Variants in SDK2 observed in about 807,000 individuals in gnomAD.
The protein encoded by SDK2 is sidekick cell adhesion molecule 2.
SDK2 carries 105 observed loss-of-function variants against 253.9 expected under a neutral mutation model. The ratio of observed to expected loss-of-function variants is 0.41; its 90% CI spans 0.35 to 0.49. The LOEUF is 0.49. SDK2 is among the 20% of genes least tolerant of loss of function. SDK2 has a pLI of 0.06. For synonymous variants in SDK2, 1,249 were observed against 1,234.9 expected, an observed-to-expected ratio of 1.01 and a Z score of -0.24; for missense variants, 2,608 against 3,003.0, an observed-to-expected ratio of 0.87 and a Z score of 3.07.
chr17:73,374,038 T>C (rs2062757728), intron 36 of SDK2, among the ~76,000 whole-genome samples: 2 of 145,370 alleles, frequency 1.4e-5, no homozygotes, highest in Admixed American at 1.4e-4. Context: ...TAACCCCTGG[T>C]CATATGTATG....
chr17:73,364,980 C>T (rs184461393), intron 38 of SDK2, among the ~76,000 whole-genome samples: 135 of 152,324 alleles, frequency 8.9e-4, no homozygotes, highest in African/African-American at 3.1e-3. Flanking sequence ...CCTTCCTTTC[C>T]TCCCTGTTTC....
chr17:73,487,044 G>A (rs546116936), intron 2 of SDK2, among the ~76,000 whole-genome samples: 13 of 152,064 alleles, frequency 8.5e-5, no homozygotes, highest in African/African-American at 3.1e-4. Context: ...AGTGATTCTC[G>A]TGCCTCAGCC....
In SDK2 at chr17:73,386,524, C is replaced by G; in HGVS notation, c.4419G>C (p.Lys1473Asn). ...TGTCATTGGTCGCCTTCACTCGGAA[C>G]TTGTAGGACGTGAAGGGCTTCAGCC... is the stretch of plus-strand genomic sequence containing the variant. ...VDRLKPFTSY[K>N]FRVKATNDIG... The change falls in exon 31 of 45, where the codon AAG becomes AAC. Residue 1473 changes from lysine (K) to asparagine (N), a missense_variant. By Grantham distance (94) the Lys-to-Asn change is moderately conservative (BLOSUM62 0). Around this residue, in one of 2 missense-constraint regions of SDK2, gnomAD observed 1,103 missense variants for 1,143.9 expected, o/e 0.96. Transcript: ENST00000392650. 2.6e-6 allele frequency: 4 copies of G among 1,558,862 alleles called. No individual in the cohort carries two copies. The highest frequency in any genetic ancestry group is 3.5e-6 in the Non-Finnish European group (4 of 1,151,084).
intron 1 of SDK2, among the ~76,000 whole-genome samples, chr17:73,619,038 G>A (rs1259198570): frequency 2.6e-5 from 4 of 152,000 alleles, no homozygotes; most frequent in South Asian, 2.1e-4. Flanking sequence ...GTGGTGGTGC[G>A]TGCCTGTAAT....
chr17:73,528,466 C>T (rs554535082), intron 1 of SDK2, among the ~76,000 whole-genome samples: 11 of 152,302 alleles, frequency 7.2e-5, no homozygotes, highest in African/African-American at 1.2e-4. Context: ...GGGGAAGCAG[C>T]GATGCAGTGA....
chr17:73,474,859 A>G (rs1052667363), intron 2 of SDK2, among the ~76,000 whole-genome samples: 1 of 152,214 alleles, frequency 6.6e-6, no homozygotes, highest in Non-Finnish European at 1.5e-5. Flanking sequence ...AGCACCAGAG[A>G]GAGGAAAAGA....
chr17:73,587,130 C>T (rs1332698194), intron 1 of SDK2, among the ~76,000 whole-genome samples: 2 of 152,192 alleles, frequency 1.3e-5, no homozygotes, highest in Non-Finnish European at 2.9e-5. Context: ...AGCTACAAAT[C>T]GGCAGTCTGG....
chr17:73,545,778 C>T (rs1281694427), intron 1 of SDK2, among the ~76,000 whole-genome samples: 3 of 152,226 alleles, frequency 2.0e-5, no homozygotes, highest in Admixed American at 6.5e-5. Context: ...TGGGATGCCC[C>T]GCCTGTCTGT....
intron 1 of SDK2, among the ~76,000 whole-genome samples, chr17:73,569,384 G>C (rs1438372684): frequency 6.6e-6 from 1 of 151,962 alleles, no homozygotes; most frequent in African/African-American, 2.4e-5. Context: ...TTTTAGTAGA[G>C]ACGGGGTTTC....
intron 1 of SDK2, among the ~76,000 whole-genome samples, chr17:73,635,977 A>AGAG (rs937589035): frequency 6.6e-6 from 1 of 152,158 alleles, no homozygotes; most frequent in Non-Finnish European, 1.5e-5. Flanking sequence ...AGGAAAAGGA[A>AGAG]GAGGAGGAGG....
At chr17:73,441,497 G>A (rs1490931166) in intron 5 of SDK2, among the ~76,000 whole-genome samples, 2 of 152,202 alleles carry the variant, frequency 1.3e-5, no homozygotes, top group South Asian at 2.1e-4. Context: ...TGGTGTCCTT[G>A]TAAGAAGAGG....
intron 15 of SDK2, among the ~76,000 whole-genome samples, chr17:73,420,319 C>T (rs923128245): frequency 7.9e-5 from 12 of 152,220 alleles, no homozygotes; most frequent in Non-Finnish European, 1.6e-4. Context: ...GGATAGCTTT[C>T]CTAAGCATGC....
intron 1 of SDK2, among the ~76,000 whole-genome samples, chr17:73,627,250 C>T (rs546206371): frequency 6.6e-6 from 1 of 152,218 alleles, no homozygotes; most frequent in Non-Finnish European, 1.5e-5. Flanking sequence ...ACATTGTTTT[C>T]ATTTTCATAT....
At chr17:73,483,621 A>ATG (rs2063745545) in intron 2 of SDK2, among the ~76,000 whole-genome samples, 2 of 131,064 alleles carry the variant, frequency 1.5e-5, no homozygotes, top group African/African-American at 5.9e-5. Context: ...ATATGTATAT[A>ATG]TATGTATATG....
At chr17:73,367,569 C>T (rs1017593215) in intron 37 of SDK2, among the ~76,000 whole-genome samples, 3 of 151,834 alleles carry the variant, frequency 2.0e-5, no homozygotes, top group African/African-American at 7.3e-5. Context: ...GTAGCACAAT[C>T]TCGGCTCACT....
intron 18 of SDK2, among the ~76,000 whole-genome samples, chr17:73,412,235 T>C (rs2063145524): frequency 6.7e-6 from 1 of 149,762 alleles, no homozygotes; most frequent in East Asian, 1.9e-4. Flanking sequence ...TATACATATA[T>C]ACATATATCC....
chr17:73,339,077 C>T (rs1277159608), intron 44 of SDK2, 137 bp from the exon 45 acceptor site: 3 of 762,304 alleles, frequency 3.9e-6, no homozygotes, highest in Non-Finnish European at 6.5e-6. Flanking sequence ...GGCCTCCCAG[C>T]CCCCTCACTG....
chr17:73,469,585 C>T (rs369431759), intron 3 of SDK2, among the ~76,000 whole-genome samples: 1 of 152,208 alleles, frequency 6.6e-6, no homozygotes, highest in East Asian at 1.9e-4. Flanking sequence ...GGCCTGGTCA[C>T]ACCCCTCCCC....
intron 1 of SDK2, among the ~76,000 whole-genome samples, chr17:73,634,464 G>A (rs564661768): frequency 1.3e-5 from 2 of 152,314 alleles, no homozygotes; most frequent in South Asian, 2.1e-4. Flanking sequence ...GAGCAAATGC[G>A]ATGTCTATGA....
Sources: allele counts gnomAD v4.1 joint callset (sites outside exome capture counted in the v4.1 genomes callset), GRCh38; gene constraint gnomAD v4.1.1; regional missense constraint gnomAD v4.1.1; transcripts MANE v1.5; gene names NCBI Gene and HGNC (gene_info 2026-07-23, HGNC 2026-07-21).